PRKN: variants seen among roughly 807,000 people sequenced by gnomAD.
PRKN encodes the protein E3 ubiquitin-protein ligase parkin.
In PRKN, 56 loss-of-function variants were observed where a neutral mutation model predicts 59.5. The ratio of observed to expected loss-of-function variants is 0.94; its 90% confidence interval spans 0.76 to 1.18. PRKN has a LOEUF of 1.18. Among genes scored for constraint, PRKN ranks in the 50% most tolerant of loss-of-function variants. The pLI is 0.00. For synonymous variants in PRKN, 250 were observed against 222.1 expected (o/e 1.13, Z -1.12); for missense variants, 657 against 596.4 (o/e 1.10, Z -1.06).
intron 7 of PRKN, among the ~76,000 whole-genome samples, chr6:161,780,291 T>C (rs920137567): frequency 2.0e-5 from 3 of 152,206 alleles, no homozygotes; most frequent in Non-Finnish European, 4.4e-5. Flanking sequence ...TTCACTGGTT[T>C]ATGGGGGTAA....
intron 3 of PRKN, among the ~76,000 whole-genome samples, chr6:162,250,329 C>A (rs943473674): frequency 6.6e-6 from 1 of 152,056 alleles, no homozygotes; most frequent in African/African-American, 2.4e-5. Context: ...GGCTGAGATA[C>A]CTTGTACATT....
At position 161,579,240 on chromosome 6, in the gene PRKN, G is replaced by C. The variant is rs1048889669; in HGVS notation, c.872-9824C>G. ...ACCTGAGTGAAAATGTCAATGTCTAGTTAACGTTGGGGGAAAGAGAATCTG... is the reference window on the plus strand; with the variant it reads ...ACCTGAGTGAAAATGTCAATGTCTACTTAACGTTGGGGGAAAGAGAATCTG... On this transcript the variant is annotated intron_variant, in intron 7 of 11. Transcript: ENST00000366898. The surrounding 1 kb of genome is among the most constrained non-coding windows in gnomAD (Gnocchi z 4.2). 6.6e-6 allele frequency among the ~76,000 whole-genome samples: 1 copy of C among 152,196 alleles called. No homozygotes were observed. The highest frequency in any genetic ancestry group is 2.4e-5 in the African/African-American group (1 of 41,438).
chr6:162,661,505 T>C (rs1233155383), intron 1 of PRKN, among the ~76,000 whole-genome samples: 1 of 151,978 alleles, frequency 6.6e-6, no homozygotes, highest in Admixed American at 6.6e-5. Flanking sequence ...TTAGTAGGGG[T>C]TGGTTTGGGA....
intron 4 of PRKN, among the ~76,000 whole-genome samples, chr6:162,115,050 G>A (rs1372283208): frequency 1.3e-5 from 2 of 151,902 alleles, no homozygotes; most frequent in East Asian, 3.9e-4. Context: ...GCACACGTAT[G>A]TTTATTGCGG....
At chr6:162,048,432 C>T (rs528848974) in intron 5 of PRKN, among the ~76,000 whole-genome samples, 127 of 151,908 alleles carry the variant, frequency 8.4e-4, no homozygotes, top group African/African-American at 3.0e-3. Flanking sequence ...CCACTGAAAC[C>T]ACAGGTCTCG....
intron 1 of PRKN, among the ~76,000 whole-genome samples, chr6:162,714,224 T>C (rs542044123): frequency 6.6e-6 from 1 of 152,260 alleles, no homozygotes; most frequent in East Asian, 1.9e-4. Context: ...AAACTACCCC[T>C]GATTTACAAG....
intron 2 of PRKN, among the ~76,000 whole-genome samples, chr6:162,380,604 T>C (rs1273902317): frequency 6.7e-6 from 1 of 148,842 alleles, no homozygotes; most frequent in Non-Finnish European, 1.5e-5. Context: ...ACAGGAGAGG[T>C]GGTATCAAGT....
At chr6:162,664,012 G>C (rs943101349) in intron 1 of PRKN, among the ~76,000 whole-genome samples, 2 of 151,668 alleles carry the variant, frequency 1.3e-5, no homozygotes, top group Non-Finnish European at 2.9e-5. Flanking sequence ...GTGGTTTGCT[G>C]CACCTATTGA....
rs910824999 is a variant in PRKN at position 161,413,753 on chromosome 6, C to G, written c.1084-26876G>C. Among the ~76,000 whole-genome samples, 1 of 152,166 alleles carries G rather than the reference C, an allele frequency of 6.6e-6. No individual in the cohort carries two copies. The highest frequency in any genetic ancestry group is 1.5e-5 in the Non-Finnish European group (1 of 68,036). ...CCATTCCTGAGAACAAGGATAATGC[C>G]ACACAAATGAGATGTTCCAGCTCCC... is the stretch of plus-strand genomic sequence containing the variant. On this transcript the variant is annotated intron_variant, in intron 9 of 11. Transcript: ENST00000366898. The surrounding 1 kb of genome is among the most constrained non-coding windows in gnomAD (Gnocchi z 4.4).
chr6:161,912,392 T>C (rs1778396308), intron 6 of PRKN, among the ~76,000 whole-genome samples: 1 of 152,008 alleles, frequency 6.6e-6, no homozygotes, highest in African/African-American at 2.4e-5. Context: ...AAACCATTCT[T>C]GGCAAAAGGC....
chr6:162,129,832 C>A (rs1036398551), intron 4 of PRKN, among the ~76,000 whole-genome samples: 1 of 152,054 alleles, frequency 6.6e-6, no homozygotes, highest in Non-Finnish European at 1.5e-5. Context: ...AAGTCCAAAA[C>A]TATTTTTACA....
intron 7 of PRKN, among the ~76,000 whole-genome samples, chr6:161,572,550 C>CTT (rs1297262532): frequency 2.6e-5 from 4 of 152,138 alleles, no homozygotes; most frequent in African/African-American, 9.6e-5. Context: ...ATCCCAGCTA[C>CTT]TTGTGAGGCT....
At chr6:162,441,714 C>T (rs1308669068) in intron 2 of PRKN, among the ~76,000 whole-genome samples, 1 of 152,070 alleles carries the variant, frequency 6.6e-6, no homozygotes, top group Non-Finnish European at 1.5e-5. Context: ...CCCTGAGAAG[C>T]CTAGGACATT....
At chr6:161,986,104 C>G (rs1356590673) in intron 5 of PRKN, among the ~76,000 whole-genome samples, 1 of 152,148 alleles carries the variant, frequency 6.6e-6, no homozygotes, top group South Asian at 2.1e-4. Flanking sequence ...GTTACCAGCC[C>G]TTTCCATGGC....
In PRKN at chr6:162,584,248, A is replaced by T. The variant is rs541621907; in HGVS notation, c.8-140775T>A. Among the ~76,000 whole-genome samples, 202 of 101,346 alleles carry T rather than the reference A, an allele frequency of 2.0e-3. 1 individual carries two copies. Among genetic ancestry groups the T allele is most frequent in the African/African-American group, 5.1e-3 (183 of 35,712 alleles). 66.5% of individuals were successfully genotyped at this position (101,346 alleles called of 152,430 possible). A position where few individuals can be genotyped will look rare whatever the true frequency, so the allele number is the denominator to read the frequency against. On this transcript the variant is annotated intron_variant, in intron 1 of 11. Coordinates refer to ENST00000366898, the MANE Select transcript of PRKN (RefSeq NM_004562.3). ...AACAAAAAACAAAAAACAAAAAACA[A>T]AAAAAAAAAAAACACTGACTATATT...
In PRKN at chr6:161,409,658, A is replaced by G. The variant is rs150033208; in HGVS notation, c.1084-22781T>C. 3.1e-4 allele frequency among the ~76,000 whole-genome samples: 47 copies of G among 152,302 alleles called. No homozygotes were observed. The East Asian group carries it at 6.9e-3, about 23-fold the overall frequency. On this transcript the variant is annotated intron_variant, in intron 9 of 11. Transcript: ENST00000366898. The surrounding 1 kb of genome is among the most constrained non-coding windows in gnomAD (Gnocchi z 4.6). The stretch of plus-strand genomic sequence containing the variant: ...CAACCTTGGTGTGATGTTTTGCAAT[A>G]AACAGCAATCCATGGAATAAGAATT...
At chr6:162,622,246 CT>C (rs1782698452) in intron 1 of PRKN, among the ~76,000 whole-genome samples, 1 of 150,878 alleles carries the variant, frequency 6.6e-6, no homozygotes, top group South Asian at 2.1e-4. Flanking sequence ...TTGATTGTTC[CT>C]TTTTCATAAC....
At chr6:162,568,576 AGAAG>A in intron 1 of PRKN, 1 of 352,620 alleles carries the variant, frequency 2.8e-6, no homozygotes, top group Non-Finnish European at 5.0e-6. Flanking sequence ...CAGGAGCAGG[AGAAG>A]GAGAAGGAGC....
chr6:161,472,025 A>C (rs1001327245), intron 9 of PRKN, among the ~76,000 whole-genome samples: 1 of 151,936 alleles, frequency 6.6e-6, no homozygotes, highest in Admixed American at 6.6e-5. Flanking sequence ...TTTTTGAAAA[A>C]CCTAATCTAG....
Sources: allele counts gnomAD v4.1 joint callset (sites outside exome capture counted in the v4.1 genomes callset), GRCh38; gene constraint gnomAD v4.1.1; non-coding constraint Gnocchi (gnomAD v3.1); transcripts MANE v1.5; gene names NCBI Gene and HGNC (gene_info 2026-07-23, HGNC 2026-07-21).